MGMT: variants seen among roughly 807,000 people sequenced by gnomAD.
The protein encoded by MGMT is O-6-methylguanine-DNA methyltransferase, also known as methylated-DNA--protein-cysteine methyltransferase.
MGMT carries 14 observed loss-of-function variants against 15.9 expected under a neutral mutation model. The observed-to-expected ratio is 0.88, with a 90% CI of 0.58 to 1.37. The LOEUF is 1.37. MGMT is among the 40% of genes most tolerant of loss of function. MGMT has a pLI of 0.00. For synonymous variants in MGMT, 130 were observed against 118.2 expected (o/e 1.10, Z -0.65); for missense variants, 282 against 268.1 (o/e 1.05, Z -0.36).
At chr10:129,743,017 G>A (rs1019331150) in intron 3 of MGMT, among the ~76,000 whole-genome samples, 1 of 152,204 alleles carries the variant, frequency 6.6e-6, no homozygotes, top group African/African-American at 2.4e-5. Context: ...ACGGAGCCAT[G>A]CCTGGATTCA....
At chr10:129,718,397 C>T (rs1194875875) in intron 3 of MGMT, among the ~76,000 whole-genome samples, 5 of 152,160 alleles carry the variant, frequency 3.3e-5, no homozygotes, top group African/African-American at 1.2e-4. Flanking sequence ...CTGCTGAGTG[C>T]GGGCAGTGGT....
At chr10:129,578,602 C>T (rs1305854291) in intron 2 of MGMT, among the ~76,000 whole-genome samples, 7 of 152,056 alleles carry the variant, frequency 4.6e-5, no homozygotes, top group African/African-American at 1.7e-4. Flanking sequence ...TTAATGGGTG[C>T]AGCACACCAA....
chr10:129,712,103 G>C (rs1367022393), intron 3 of MGMT, among the ~76,000 whole-genome samples: 1 of 152,178 alleles, frequency 6.6e-6, no homozygotes, highest in Non-Finnish European at 1.5e-5. Context: ...TGGACTTTCA[G>C]ATACAGAACC....
intron 1 of MGMT, among the ~76,000 whole-genome samples, chr10:129,488,153 A>G (rs1178587819): frequency 6.6e-6 from 1 of 152,078 alleles, no homozygotes; most frequent in African/African-American, 2.4e-5. Context: ...TTGGAGTGTC[A>G]GTGTTCAATG....
chr10:129,503,736 C>T (rs1445822673), intron 1 of MGMT, among the ~76,000 whole-genome samples: 1 of 152,176 alleles, frequency 6.6e-6, no homozygotes, highest in Non-Finnish European at 1.5e-5. Context: ...TTCAGCTTTT[C>T]TAATACTCAG....
intron 1 of MGMT, among the ~76,000 whole-genome samples, chr10:129,475,132 G>C (rs995928646): frequency 6.6e-6 from 1 of 152,082 alleles, no homozygotes; most frequent in Non-Finnish European, 1.5e-5. Context: ...TCCAGGGGAC[G>C]AGTGAGAGCT....
At chr10:129,711,679 A>T (rs1038314922) in intron 3 of MGMT, among the ~76,000 whole-genome samples, 3 of 152,078 alleles carry the variant, frequency 2.0e-5, no homozygotes, top group Non-Finnish European at 4.4e-5. Flanking sequence ...TGGTTTTTTT[A>T]AAGTGTCAAC....
At chr10:129,721,704 T>C (rs34636064) in intron 3 of MGMT, among the ~76,000 whole-genome samples, 37,357 of 152,084 alleles carry the variant, frequency 0.25, 4,881 homozygotes, top group Middle Eastern at 0.41. Flanking sequence ...AAGGGCAGAC[T>C]TTGATAAATT....
chr10:129,632,328 G>A (rs1261438974), intron 2 of MGMT, among the ~76,000 whole-genome samples: 1 of 152,174 alleles, frequency 6.6e-6, no homozygotes, highest in East Asian at 1.9e-4. Flanking sequence ...ACTTGATAGA[G>A]CACTTTCTTA....
rs140112379 is a variant in MGMT, at chr10:129,708,010, G to A, written c.241G>A (p.Val81Met). ...HQPEAIEEFPVPALHHPVFQQ... is the reference protein window; with the variant it reads ...HQPEAIEEFPMPALHHPVFQQ... ...GCCCGAGGCTATCGAAGAGTTCCCC[G>A]TGCCGGCTCTTCACCATCCCGTTTT... is the stretch of plus-strand genomic sequence containing the variant. Residue 81 changes from valine (V) to methionine (M), a missense_variant, in exon 3 of 5, where the codon GTG (valine) becomes ATG (methionine). Transcript: ENST00000651593. The A allele has an allele frequency of 8.5e-5, 137 of 1,613,666 alleles. No homozygotes were observed. In the African/African-American group the frequency reaches 1.0e-3, roughly 12 times the overall value.
chr10:129,622,048 G>T (rs1033399962), intron 2 of MGMT, among the ~76,000 whole-genome samples: 2 of 152,210 alleles, frequency 1.3e-5, no homozygotes, highest in Non-Finnish European at 2.9e-5. Context: ...AGGAGCAGTG[G>T]TTTATGGCAT....
At chr10:129,550,858 A>G (rs142680067) in intron 2 of MGMT, among the ~76,000 whole-genome samples, 1 of 152,236 alleles carries the variant, frequency 6.6e-6, no homozygotes, top group Non-Finnish European at 1.5e-5. Context: ...TTCCGTCTTG[A>G]TGCTAACACA....
intron 2 of MGMT, among the ~76,000 whole-genome samples, chr10:129,691,496 CTG>C (rs1398145253): frequency 4.6e-5 from 7 of 152,134 alleles, no homozygotes; most frequent in Non-Finnish European, 8.8e-5. Flanking sequence ...GCTCGGATAA[CTG>C]GGGCTCCTGA....
intron 2 of MGMT, among the ~76,000 whole-genome samples, chr10:129,648,017 ACAGAG>A (rs1847416687): frequency 6.6e-6 from 1 of 152,188 alleles, no homozygotes; most frequent in African/African-American, 2.4e-5. Flanking sequence ...CCTTCAGCTC[ACAGAG>A]CAGTTTATAT....
chr10:129,517,061 C>T (rs1247671779), intron 1 of MGMT, among the ~76,000 whole-genome samples: 1 of 152,226 alleles, frequency 6.6e-6, no homozygotes, highest in Non-Finnish European at 1.5e-5. Flanking sequence ...ATCCGTCCCT[C>T]CCACTCCAGC....
chr10:129,523,270 A>G (rs1845832931), intron 1 of MGMT, among the ~76,000 whole-genome samples: 1 of 152,260 alleles, frequency 6.6e-6, no homozygotes, highest in Admixed American at 6.5e-5. Flanking sequence ...CATCCTGGCC[A>G]GGCCACACGG....
At chr10:129,634,439 C>G (rs1847243694) in intron 2 of MGMT, among the ~76,000 whole-genome samples, 1 of 152,074 alleles carries the variant, frequency 6.6e-6, no homozygotes, top group Non-Finnish European at 1.5e-5. Context: ...TTTCCTTTTC[C>G]TTTCAGAAAC....
At chr10:129,535,517 C>A (rs1845975184) in intron 1 of MGMT, among the ~76,000 whole-genome samples, 1 of 152,160 alleles carries the variant, frequency 6.6e-6, no homozygotes, top group African/African-American at 2.4e-5. Context: ...GCTATCATAC[C>A]CAGCTAATTT....
chr10:129,471,085 A>G lies in MGMT; in HGVS notation c.-13+3789A>G, dbSNP rs116674796. ...GTCTGGGCTGGGGGACACCGAATGG[A>G]TAGTCCACCAGCGGCGTGGCTTGTG... On this transcript the variant is annotated intron_variant, in intron 1 of 4. Transcript: ENST00000651593. Among the ~76,000 whole-genome samples the G allele has an allele frequency of 8.1e-3, 1,228 of 152,284 alleles. 17 individuals carry two copies. Among genetic ancestry groups the G allele is most frequent in the African/African-American group, 0.028 (1,162 of 41,550 alleles).
Sources: allele counts gnomAD v4.1 joint callset (sites outside exome capture counted in the v4.1 genomes callset), GRCh38; gene constraint gnomAD v4.1.1; transcripts MANE v1.5; gene names NCBI Gene and HGNC (gene_info 2026-07-23, HGNC 2026-07-21).